The following HACD4 variants were observed in gnomAD, a reference collection of about 807,000 sequenced individuals.
The protein encoded by HACD4 is very-long-chain (3R)-3-hydroxyacyl-CoA dehydratase 4.
A neutral mutation model predicts 33.3 loss-of-function variants in HACD4; 35 were observed. The observed-to-expected ratio is 1.05, with a 90% CI of 0.80 to 1.39. The LOEUF (loss-of-function observed/expected upper bound fraction) is 1.39. Ranked by LOEUF, HACD4 falls within the 40% of genes most tolerant of loss-of-function variation. HACD4 has a pLI of 0.00. For missense variants in HACD4, 323 were observed against 276.5 expected, an observed-to-expected ratio of 1.17 and a Z score of -1.19; for synonymous variants, 118 against 98.0, an observed-to-expected ratio of 1.20 and a Z score of -1.21.
At chr9:21,016,416 C>T (rs1278868542) in intron 3 of HACD4, among the ~76,000 whole-genome samples, 1 of 152,078 alleles carries the variant, frequency 6.6e-6, no homozygotes, top group Non-Finnish European at 1.5e-5. Context: ...ACAGTGTGTG[C>T]CAGATATGGG....
intron 4 of HACD4, 70 bp from the exon 5 acceptor site, chr9:21,011,765 G>A: frequency 1.3e-6 from 1 of 741,548 alleles, no homozygotes; most frequent in Non-Finnish European, 2.3e-6. Flanking sequence ...AAACTACTGT[G>A]TAATTAAATA....
Position 21,026,622 on chromosome 9 carries a change from T to C in HACD4, c.244A>G (p.Asn82Asp). ...LLHIYVGIES[N>D]HLLPRFLQLT... is the part of the protein sequence containing the mutation. Reference sequence around the variant, plus strand: ...TGCAAAAACCTTGGGAGAAGATGGTTTGACTCAATGCCAACATATATGTGC... The same window carrying C: ...TGCAAAAACCTTGGGAGAAGATGGTCTGACTCAATGCCAACATATATGTGC... The change falls in exon 3 of 7, where the codon AAC becomes GAC. Residue 82 changes from asparagine (N) to aspartate (D), a missense_variant. Coordinates refer to ENST00000495827, the MANE Select transcript of HACD4 (RefSeq NM_001010915.5). 1 of 1,613,344 alleles carries C rather than the reference T, an allele frequency of 6.2e-7. No homozygotes were observed. The highest frequency in any genetic ancestry group is 8.5e-7 in the Non-Finnish European group (1 of 1,179,540).
rs1172889505 is a variant in HACD4, at chr9:21,000,156, T to A, written c.*6881A>T. On this transcript the variant is annotated 3_prime_UTR_variant, in exon 7 of 7. Transcript: ENST00000495827. ...TACATGTATGTGATGAATTAAGGCA[T>A]ACTTTTACTAATTGACTTTCATATG... 6.6e-6 allele frequency: 1 copy of A among 152,198 alleles called. No individual in the cohort carries two copies. The highest frequency in any genetic ancestry group is 1.5e-5 in the Non-Finnish European group (1 of 68,016). 9.4% of individuals were successfully genotyped at this position (152,198 alleles called of 1,614,324 possible). A position where few individuals can be genotyped will look rare whatever the true frequency, so the allele number is the denominator to read the frequency against.
chr9:21,011,745 G>T, intron 4 of HACD4, 50 bp from the exon 5 acceptor site: 1 of 913,142 alleles, frequency 1.1e-6, no homozygotes, highest in Non-Finnish European at 1.7e-6. Context: ...TAATATCTGG[G>T]AAATAGGAGA....
At position 21,029,382 on chromosome 9, in the gene HACD4, A is replaced by G; in HGVS notation, c.55T>C (p.Tyr19His). ...WLQPRYRKNAYLFIYYLIQFC... is the reference protein window; with the variant it reads ...WLQPRYRKNAHLFIYYLIQFC... The stretch of plus-strand genomic sequence containing the variant: ...TGGATTAAGTAATAGATGAAAAGAT[A>G]CGCATTCTTCCTATACCTATAAATA... Residue 19 changes from tyrosine (Y) to histidine (H), a missense_variant, in exon 2 of 7, where the codon TAT becomes CAT. Tyr to His is a moderately conservative substitution (Grantham distance 83). Transcript: ENST00000495827. 1 of 1,585,026 alleles carries G rather than the reference A, an allele frequency of 6.3e-7. No homozygotes were observed. The highest frequency in any genetic ancestry group is 1.1e-5 in the South Asian group (1 of 89,260).
chr9:21,014,045 T>C (rs776549974), intron 4 of HACD4, among the ~76,000 whole-genome samples: 1 of 152,208 alleles, frequency 6.6e-6, no homozygotes, highest in East Asian at 1.9e-4. Context: ...CAGTCTTTCA[T>C]CATTAACTAT....
rs896507048 is a variant in HACD4, at chr9:21,002,687, TAAAAAG to T, written c.*4344_*4349del. The T allele has an allele frequency of 1.3e-5, 2 of 152,076 alleles. No homozygotes were observed. The highest frequency in any genetic ancestry group is 2.4e-5 in the African/African-American group (1 of 41,424). 9.4% of individuals were successfully genotyped at this position (152,076 alleles called of 1,614,324 possible). On this transcript the variant is annotated 3_prime_UTR_variant, in exon 7 of 7. Coordinates refer to ENST00000495827, the MANE Select transcript of HACD4 (RefSeq NM_001010915.5). Reference sequence around the variant, plus strand: ...ACTTACTACTACTGAACTGCACACTTAAAAAGGAATAAGATAGTATATTTTACATTT... The same window carrying T: ...ACTTACTACTACTGAACTGCACACTTGAATAAGATAGTATATTTTACATTT...
chr9:21,006,955 C>T lies in HACD4; in HGVS notation c.*82G>A. On this transcript the variant is annotated 3_prime_UTR_variant, in exon 7 of 7. Coordinates refer to ENST00000495827, the MANE Select transcript of HACD4 (RefSeq NM_001010915.5). The surrounding 1 kb of genome is among the most constrained non-coding windows in gnomAD (Gnocchi z 4.6). ...TTTTTATCAAATACAAGGTATTTTT[C>T]CACCAGAATACTTCCTGTGTTTTAT... 1 of 835,022 alleles carries T rather than the reference C, an allele frequency of 1.2e-6. No homozygotes were observed. Among genetic ancestry groups the T allele is most frequent in the Non-Finnish European group, 2.1e-6 (1 of 477,404 alleles). The allele number at this position is 835,022 out of a possible 1,614,324, so 51.7% of individuals were successfully genotyped here. A position where few individuals can be genotyped will look rare whatever the true frequency, so the allele number is the denominator to read the frequency against.
intron 5 of HACD4, among the ~76,000 whole-genome samples, chr9:21,010,843 A>T (rs1225046391): frequency 6.6e-6 from 1 of 152,112 alleles, no homozygotes; most frequent in Non-Finnish European, 1.5e-5. Context: ...AGGAGCACAC[A>T]ACCTAGATCC....
At chr9:21,010,277 A>T (rs1363852636) in intron 5 of HACD4, among the ~76,000 whole-genome samples, 1 of 152,132 alleles carries the variant, frequency 6.6e-6, no homozygotes, top group African/African-American at 2.4e-5. Flanking sequence ...ATATTCTCCA[A>T]ATATCCTCAA....
intron 3 of HACD4, among the ~76,000 whole-genome samples, chr9:21,019,262 G>C (rs1817839394): frequency 6.6e-6 from 1 of 152,056 alleles, no homozygotes; most frequent in Non-Finnish European, 1.5e-5. Context: ...AACAAATGTA[G>C]CATAATAGTT....
Position 21,022,402 on chromosome 9 carries a change from G to A in HACD4, c.270+4194C>T, listed in dbSNP as rs184875012. Among the ~76,000 whole-genome samples, 484 of 152,108 alleles carry A rather than the reference G, an allele frequency of 3.2e-3. 3 individuals are homozygous for A. The highest frequency in any genetic ancestry group is 0.011 in the African/African-American group (460 of 41,482). On this transcript the variant is annotated intron_variant, in intron 3 of 6. Transcript: ENST00000495827. ...GGATCTAATTAAACTAAAAAGCTCC[G>A]GTACAGCAAAAGAAACTACCATCAG...
chr9:21,002,951 A>C lies in HACD4; in HGVS notation c.*4086T>G, dbSNP rs1587819805. 2 of 152,286 alleles carry C rather than the reference A, an allele frequency of 1.3e-5. No homozygotes were observed. Among genetic ancestry groups the C allele is most frequent in the Non-Finnish European group, 2.9e-5 (2 of 67,998 alleles). 9.4% of individuals were successfully genotyped at this position (152,286 alleles called of 1,614,324 possible). A position where few individuals can be genotyped will look rare whatever the true frequency, so the allele number is the denominator to read the frequency against. ...AGATAGTTACTGTCTTGACTTCACT[A>C]TGTCTGGGTTTCTTAACCTGGGGAA... is the stretch of plus-strand genomic sequence containing the variant. On this transcript the variant is annotated 3_prime_UTR_variant, in exon 7 of 7. Transcript: ENST00000495827.
At chr9:21,013,128 T>G (rs924560806) in intron 4 of HACD4, among the ~76,000 whole-genome samples, 1 of 152,166 alleles carries the variant, frequency 6.6e-6, no homozygotes, top group African/African-American at 2.4e-5. Context: ...TTTTTTCTTT[T>G]GTTGTGTACC....
intron 3 of HACD4, among the ~76,000 whole-genome samples, chr9:21,016,767 T>G (rs142883232): frequency 1.4e-5 from 2 of 145,714 alleles, no homozygotes; most frequent in African/African-American, 5.0e-5. Context: ...TTCCATCCAA[T>G]AGAGAAACTT....
Position 21,031,571 on chromosome 9 carries a change from G to C in HACD4, c.20C>G (p.Pro7Arg). The change falls in exon 1 of 7, where the codon CCC (proline) becomes CGC (arginine). Residue 7 changes from proline to arginine, a missense_variant. Coordinates refer to ENST00000495827, the MANE Select transcript of HACD4 (RefSeq NM_001010915.5). MGPLAL[P>R]AWLQPRYRKN... Reference sequence around the variant, plus strand: ...GCCCTACCTGGGCTGCAGCCAGGCGGGCAGCGCCAAGGGCCCCATGGGCCG... The same window carrying C: ...GCCCTACCTGGGCTGCAGCCAGGCGCGCAGCGCCAAGGGCCCCATGGGCCG... 6.9e-7 allele frequency: 1 copy of C among 1,453,156 alleles called. No homozygotes were observed. Among genetic ancestry groups the C allele is most frequent in the Non-Finnish European group, 9.0e-7 (1 of 1,108,926 alleles). The allele number at this position is 1,453,156 out of a possible 1,614,324, so 90.0% of individuals were successfully genotyped here. A position where few individuals can be genotyped will look rare whatever the true frequency, so the allele number is the denominator to read the frequency against.
chr9:21,029,645 GCTGAAAATATCATAAA>G (rs778168588), intron 1 of HACD4, among the ~76,000 whole-genome samples: 9 of 152,182 alleles, frequency 5.9e-5, no homozygotes, highest in Non-Finnish European at 8.8e-5. Context: ...CACCCCATCA[GCTGAAAATATCATAAA>G]CTGAAAATAT....
At chr9:21,020,049 C>T (rs1029678438) in intron 3 of HACD4, among the ~76,000 whole-genome samples, 2 of 152,054 alleles carry the variant, frequency 1.3e-5, no homozygotes, top group Non-Finnish European at 1.5e-5. Context: ...CAGATCCCTG[C>T]TTGCCCTGAT....
chr9:21,010,456 A>AAC (rs1353043927), intron 5 of HACD4, among the ~76,000 whole-genome samples: 4 of 105,040 alleles, frequency 3.8e-5, no homozygotes, highest in African/African-American at 1.3e-4. Flanking sequence ...ACATCCTGGT[A>AAC]CCCCCCCCCC....
Sources: gnomAD v4.1 joint callset for allele counts (sites outside exome capture counted in the v4.1 genomes callset) on GRCh38, gnomAD v4.1.1 for gene constraint, Gnocchi (gnomAD v3.1) non-coding constraint, MANE v1.5 for transcripts, NCBI Gene and HGNC (gene_info 2026-07-23, HGNC 2026-07-21) for gene names.